The following CCDC148 variants were observed in gnomAD, a reference collection of about 807,000 sequenced individuals.
The protein encoded by CCDC148 is coiled-coil domain-containing protein 148.
A neutral mutation model predicts 85.7 loss-of-function variants in CCDC148; 89 were observed. That is an observed-to-expected ratio of 1.04 (90% CI 0.87 to 1.24). CCDC148 has a LOEUF of 1.24. CCDC148 is among the 50% of genes most tolerant of loss of function. The pLI is 0.00. For missense variants in CCDC148, 692 were observed against 671.7 expected (o/e 1.03, Z -0.33); for synonymous variants, 230 against 213.9 (o/e 1.08, Z -0.66).
rs1200971591 is a variant in CCDC148 at position 158,327,637 on chromosome 2, T to C, written c.764+11089A>G. Among the ~76,000 whole-genome samples, 4 of 152,188 alleles carry C rather than the reference T, an allele frequency of 2.6e-5. No homozygotes were observed. The East Asian group carries it at 5.8e-4, about 22-fold the overall frequency. On this transcript the variant is annotated intron_variant, in intron 7 of 13. Coordinates refer to ENST00000283233, the MANE Select transcript of CCDC148 (RefSeq NM_138803.4). ...AATGCTTAATATAACACAGCAATAG[T>C]CTTCCCTCATTATTGCTTCTTTTCC...
At chr2:158,441,251 C>G (rs1305560439) in intron 1 of CCDC148, among the ~76,000 whole-genome samples, 1 of 152,126 alleles carries the variant, frequency 6.6e-6, no homozygotes, top group East Asian at 1.9e-4. Flanking sequence ...ATTTCAACAT[C>G]TCTTCTTCTG....
chr2:158,210,417 A>G (rs1488275110), intron 11 of CCDC148, among the ~76,000 whole-genome samples: 1 of 152,120 alleles, frequency 6.6e-6, no homozygotes, highest in South Asian at 2.1e-4. Flanking sequence ...ACAGAAAATT[A>G]ACAAGGATAT....
At chr2:158,189,734 C>T (rs1685330096) in intron 11 of CCDC148, among the ~76,000 whole-genome samples, 2 of 151,880 alleles carry the variant, frequency 1.3e-5, no homozygotes, top group African/African-American at 4.8e-5. Flanking sequence ...AGTAAACAAA[C>T]TGAATGGCAT....
chr2:158,445,348 T>C (rs954329327), intron 1 of CCDC148, among the ~76,000 whole-genome samples: 4 of 152,198 alleles, frequency 2.6e-5, no homozygotes, highest in Admixed American at 6.5e-5. Context: ...TGTCCTACTT[T>C]TACATCATTT....
chr2:158,306,648 A>G (rs2105205379), intron 9 of CCDC148, among the ~76,000 whole-genome samples: 1 of 150,732 alleles, frequency 6.6e-6, no homozygotes, highest in South Asian at 2.1e-4. Context: ...TGGACACAGG[A>G]AGGGGAACAT....
At chr2:158,284,129 G>A (rs1490632254) in intron 9 of CCDC148, among the ~76,000 whole-genome samples, 2 of 125,704 alleles carry the variant, frequency 1.6e-5, no homozygotes, top group African/African-American at 5.8e-5. Flanking sequence ...ACTGTTGTGG[G>A]GTGGGGGGAG....
intron 9 of CCDC148, among the ~76,000 whole-genome samples, chr2:158,307,475 T>C (rs1691747996): frequency 6.6e-6 from 1 of 152,220 alleles, no homozygotes; most frequent in Non-Finnish European, 1.5e-5. Flanking sequence ...ATAACCACTT[T>C]GGAAAACTAT....
At chr2:158,292,060 C>T (rs1343452933) in intron 9 of CCDC148, among the ~76,000 whole-genome samples, 1 of 152,110 alleles carries the variant, frequency 6.6e-6, no homozygotes, top group Non-Finnish European at 1.5e-5. Context: ...ATAAATGCCT[C>T]AGGCACTGAA....
intron 1 of CCDC148, among the ~76,000 whole-genome samples, chr2:158,442,184 T>C (rs760306619): frequency 1.2e-4 from 19 of 152,176 alleles, no homozygotes; most frequent in Admixed American, 7.2e-4. Context: ...AAATAAATAA[T>C]TGGCTTTTGT....
chr2:158,418,771 C>T (rs1041806063), intron 1 of CCDC148, among the ~76,000 whole-genome samples: 7 of 151,774 alleles, frequency 4.6e-5, no homozygotes, highest in African/African-American at 1.7e-4. Flanking sequence ...GTGGAGCAAA[C>T]ATGTTTTCTG....
intron 1 of CCDC148, among the ~76,000 whole-genome samples, chr2:158,390,542 C>T (rs1397623819): frequency 6.6e-6 from 1 of 152,128 alleles, no homozygotes; most frequent in Non-Finnish European, 1.5e-5. Context: ...AAAATTCCTT[C>T]TCCAAAATTT....
chr2:158,343,816 A>G (rs1376749780), intron 3 of CCDC148, among the ~76,000 whole-genome samples: 1 of 152,206 alleles, frequency 6.6e-6, no homozygotes, highest in Non-Finnish European at 1.5e-5. Context: ...GCATTCTAGA[A>G]TAACATAGAA....
intron 1 of CCDC148, among the ~76,000 whole-genome samples, chr2:158,398,676 A>G (rs1685637179): frequency 6.6e-6 from 1 of 152,182 alleles, no homozygotes; most frequent in Admixed American, 6.5e-5. Context: ...AAAGCAGGAA[A>G]GATCTAAAAT....
chr2:158,208,742 G>C (rs1686390518), intron 11 of CCDC148, among the ~76,000 whole-genome samples: 1 of 152,076 alleles, frequency 6.6e-6, no homozygotes, highest in African/African-American at 2.4e-5. Context: ...AGTTTGCTAA[G>C]CTTGGGTCTG....
In CCDC148 at chr2:158,220,688, T is replaced by A; in HGVS notation, c.1277A>T (p.Lys426Ile). 1 of 1,586,504 alleles carries A rather than the reference T, an allele frequency of 6.3e-7. No homozygotes were observed. The highest frequency in any genetic ancestry group is 8.5e-7 in the Non-Finnish European group (1 of 1,173,106). Residue 426 changes from lysine (K) to isoleucine (I), a missense_variant, in exon 11 of 14, where the codon AAA becomes ATA. Physicochemically the swap from Lys to Ile is moderately radical, Grantham distance 102. Transcript: ENST00000283233. ...KKIKKYWAKK[K>I]QKWQEMEMRD... ...CATTTCCATTTCTTGCCACTTCTGT[T>A]TTTTCTTGGCCCAGTATTTTTTTAT...
At chr2:158,211,115 C>CGGTTG (rs1686554683) in intron 11 of CCDC148, among the ~76,000 whole-genome samples, 8 of 151,780 alleles carry the variant, frequency 5.3e-5, no homozygotes, top group Admixed American at 1.3e-4. Flanking sequence ...AGCAAACCAC[C>CGGTTG]ATGGCACGTG....
At chr2:158,217,056 A>C (rs1686900822) in intron 11 of CCDC148, among the ~76,000 whole-genome samples, 1 of 152,144 alleles carries the variant, frequency 6.6e-6, no homozygotes, top group Admixed American at 6.5e-5. Flanking sequence ...CTTCCCTCTT[A>C]ATCTCAATGG....
chr2:158,380,788 A>G (rs1350990481), intron 1 of CCDC148: 2 of 152,178 alleles, frequency 1.3e-5, no homozygotes, highest in Non-Finnish European at 2.9e-5. Context: ...AATGAACAGT[A>G]TAAAGAGCCT....
At chr2:158,330,493 G>T (rs1378177639) in intron 7 of CCDC148, among the ~76,000 whole-genome samples, 1 of 152,246 alleles carries the variant, frequency 6.6e-6, no homozygotes, top group Non-Finnish European at 1.5e-5. Flanking sequence ...TCTCTGGCAG[G>T]CTTTGGTATC....
Sources: allele counts gnomAD v4.1 joint callset (sites outside exome capture counted in the v4.1 genomes callset), GRCh38; gene constraint gnomAD v4.1.1; transcripts MANE v1.5; gene names NCBI Gene and HGNC (gene_info 2026-07-23, HGNC 2026-07-21).